The following WDR35 variants were observed in gnomAD, a reference collection of about 807,000 sequenced individuals.
The protein encoded by WDR35 is WD repeat domain 35.
WDR35 carries 118 observed loss-of-function variants against 158.3 expected under a neutral mutation model. The observed-to-expected ratio is 0.75, with a 90% CI of 0.64 to 0.87. WDR35 has a LOEUF of 0.87. Ranked by LOEUF, WDR35 falls within the 40% of genes least tolerant of loss-of-function variation. WDR35 has a pLI of 0.00. For synonymous variants in WDR35, 448 were observed against 476.1 expected (o/e 0.94, Z 0.77); for missense variants, 1,263 against 1,405.8 (o/e 0.90, Z 1.62).
At chr2:19,986,655 G>A (rs1001011134) in intron 2 of WDR35, among the ~76,000 whole-genome samples, 1 of 152,170 alleles carries the variant, frequency 6.6e-6, no homozygotes, top group African/African-American at 2.4e-5. Flanking sequence ...TGAAAGGAGA[G>A]AGAGAGGATA....
intron 1 of WDR35, among the ~76,000 whole-genome samples, chr2:19,989,644 C>T (rs1249370114): frequency 6.6e-6 from 1 of 152,188 alleles, no homozygotes; most frequent in Non-Finnish European, 1.5e-5. Context: ...TTTTCTCTTG[C>T]CCAATGGCTC....
chr2:19,979,004 G>A (rs1385747873), intron 4 of WDR35, 125 bp from the exon 5 acceptor site: 2 of 1,216,416 alleles, frequency 1.6e-6, no homozygotes, highest in Non-Finnish European at 2.3e-6. Context: ...TCTACAACCT[G>A]AGACATTAAA....
chr2:19,913,969 C>A, intron 26 of WDR35, 68 bp downstream of exon 26: 4 of 1,604,100 alleles, frequency 2.5e-6, no homozygotes, highest in South Asian at 1.1e-5. Flanking sequence ...CTACATTAAA[C>A]ATTGTACATC....
intron 11 of WDR35, among the ~76,000 whole-genome samples, chr2:19,954,647 T>A (rs1448692287): frequency 6.6e-6 from 1 of 152,112 alleles, no homozygotes; most frequent in Non-Finnish European, 1.5e-5. Flanking sequence ...CTAGGATGGC[T>A]AGAATCAAAC....
intron 13 of WDR35, 114 bp downstream of exon 13, chr2:19,951,301 C>A (rs1671228353): frequency 1.1e-6 from 1 of 935,032 alleles, no homozygotes; most frequent in East Asian, 2.7e-5. Flanking sequence ...TAAAGAATTG[C>A]TAAAATAATA....
rs70939024 is a variant in WDR35 at position 19,985,899 on chromosome 2, GAAAAAAAAAAAAAAA to G, written c.142+3251_142+3265del. Among the ~76,000 whole-genome samples, 15 of 71,186 alleles carry G rather than the reference GAAAAAAAAAAAAAAA, an allele frequency of 2.1e-4. 1 individual carries two copies. The highest frequency in any genetic ancestry group is 1.1e-3 in the South Asian group (3 of 2,748). The allele number at this position is 71,186 out of a possible 152,430, so 46.7% of individuals were successfully genotyped here. On this transcript the variant is annotated intron_variant, in intron 2 of 26. Coordinates refer to ENST00000281405, the MANE Select transcript of WDR35 (RefSeq NM_020779.4). ...GCAACAGAGTGAGACCCCATCTCGGGAAAAAAAAAAAAAAAAAAAAAAAAAAGCCTGACACTGGCT... is the reference window on the plus strand; with the variant it reads ...GCAACAGAGTGAGACCCCATCTCGGGAAAAAAAAAAAGCCTGACACTGGCT...
intron 2 of WDR35, among the ~76,000 whole-genome samples, chr2:19,985,895 T>C (rs1316694294): frequency 2.6e-5 from 2 of 78,004 alleles, no homozygotes; most frequent in Non-Finnish European, 4.5e-5. Context: ...AGACCCCATC[T>C]CGGGAAAAAA....
At chr2:19,947,190 T>C (rs1671087589) in intron 14 of WDR35, among the ~76,000 whole-genome samples, 1 of 152,232 alleles carries the variant, frequency 6.6e-6, no homozygotes, top group African/African-American at 2.4e-5. Context: ...ATGAGAGAAC[T>C]GTGGGTTTCA....
In WDR35 at chr2:19,990,032, G is replaced by A; in HGVS notation, c.-17C>T. The A allele has an allele frequency of 6.2e-7, 1 of 1,613,694 alleles. No individual in the cohort carries two copies. Among genetic ancestry groups the A allele is most frequent in the Non-Finnish European group, 8.5e-7 (1 of 1,179,834 alleles). ...GAAGAACATCGTGGGATCCCCGAGA[G>A]GGTCACGGCGGCCGCTAAGGCCCTC... On this transcript the variant is annotated 5_prime_UTR_variant, in exon 1 of 27. Coordinates refer to ENST00000281405, the MANE Select transcript of WDR35 (RefSeq NM_020779.4).
chr2:19,920,040 G>A (rs539218757), intron 25 of WDR35, among the ~76,000 whole-genome samples: 29 of 152,200 alleles, frequency 1.9e-4, no homozygotes, highest in African/African-American at 5.1e-4. Context: ...GGAAGAAGTC[G>A]AATCCCTGAA....
At chr2:19,973,425 A>G (rs891683419) in intron 8 of WDR35, 138 bp downstream of exon 8, 13 of 853,520 alleles carry the variant, frequency 1.5e-5, no homozygotes, top group Non-Finnish European at 2.2e-5. Context: ...AAATACAACA[A>G]AGATTTATAC....
chr2:19,953,811 A>G (rs1671326859), intron 12 of WDR35, 23 bp downstream of exon 12: 1 of 1,613,798 alleles, frequency 6.2e-7, no homozygotes, highest in South Asian at 1.1e-5. Flanking sequence ...GAGCTACTAA[A>G]AAGTATGTAT....
At chr2:19,957,754 T>C (rs898036585) in intron 11 of WDR35, among the ~76,000 whole-genome samples, 1 of 152,112 alleles carries the variant, frequency 6.6e-6, no homozygotes, top group African/African-American at 2.4e-5. Context: ...GGTTTTGCCA[T>C]TTTGGCCAGG....
At chr2:19,918,834 T>C (rs1374045174) in intron 25 of WDR35, among the ~76,000 whole-genome samples, 2 of 152,152 alleles carry the variant, frequency 1.3e-5, no homozygotes, top group Admixed American at 6.5e-5. Flanking sequence ...ATTAGACAGA[T>C]CAACAAGACA....
Position 19,945,927 on chromosome 2 carries a change from A to T in WDR35, c.1704T>A (p.Ser568Arg). The change falls in exon 16 of 27, where the codon AGT becomes AGA. Residue 568 changes from serine (S) to arginine (R), a missense_variant. Physicochemically the swap from Ser to Arg is moderately radical, Grantham distance 110 (BLOSUM62 -1). Transcript: ENST00000281405. ...FFDLDARVTDSTGQQVVGELL... is the reference protein window; with the variant it reads ...FFDLDARVTDRTGQQVVGELL... The stretch of plus-strand genomic sequence containing the variant: ...ACTCTCCAACTACTTGCTGTCCCGT[A>T]CTGTCCGTTACTCGAGCATCCAAGT... 6.2e-7 allele frequency: 1 copy of T among 1,613,982 alleles called. No homozygotes were observed. Among genetic ancestry groups the T allele is most frequent in the Non-Finnish European group, 8.5e-7 (1 of 1,179,878 alleles).
At chr2:19,981,476 T>A (rs1672380212) in intron 3 of WDR35, among the ~76,000 whole-genome samples, 1 of 152,332 alleles carries the variant, frequency 6.6e-6, no homozygotes, top group South Asian at 2.1e-4. Flanking sequence ...AGATCCAATC[T>A]AGGATTATAC....
chr2:19,986,678 G>A (rs1334963928), intron 2 of WDR35, among the ~76,000 whole-genome samples: 1 of 151,934 alleles, frequency 6.6e-6, no homozygotes, highest in South Asian at 2.1e-4. Context: ...TTGGCAGAAA[G>A]GTACCTGAGA....
chr2:19,930,345 A>C lies in WDR35; in HGVS notation c.3121+51T>G, dbSNP rs1448546604. ...CAAATTGAAGAAGCTAGCCCTTCAT[A>C]CTCAATTTATAATTTTCAGACATAC... On this transcript the variant is annotated intron_variant, in intron 25 of 26. Coordinates refer to ENST00000281405, the MANE Select transcript of WDR35 (RefSeq NM_020779.4). 3 of 1,612,524 alleles carry C rather than the reference A, an allele frequency of 1.9e-6. No homozygotes were observed. The Admixed American group carries it at 5.0e-5, about 27-fold the overall frequency.
At chr2:19,946,334 C>A in intron 15 of WDR35, 127 bp downstream of exon 15, 1 of 849,884 alleles carries the variant, frequency 1.2e-6, no homozygotes, top group Non-Finnish European at 2.0e-6. Flanking sequence ...AAAATAAAAC[C>A]ATACTGAATT....
Sources: gnomAD v4.1 joint callset for allele counts (sites outside exome capture counted in the v4.1 genomes callset) on GRCh38, gnomAD v4.1.1 for gene constraint, MANE v1.5 for transcripts, NCBI Gene and HGNC (gene_info 2026-07-23, HGNC 2026-07-21) for gene names.